SIMC1: variants seen among roughly 807,000 people sequenced by gnomAD.
SIMC1 encodes SUMO-interacting motif-containing protein 1.
SIMC1 carries 55 observed loss-of-function variants against 82.3 expected under a neutral mutation model. The ratio of observed to expected loss-of-function variants is 0.67; its 90% CI spans 0.54 to 0.84. The LOEUF is 0.84. Ranked by LOEUF, SIMC1 falls within the 40% of genes least tolerant of loss-of-function variation. SIMC1 has a pLI of 0.00. For missense variants in SIMC1, 915 were observed against 1,107.2 expected (o/e 0.83, Z 2.46); for synonymous variants, 353 against 426.3 (o/e 0.83, Z 2.12).
At chr5:176,324,003 A>C (rs1455671798) in intron 6 of SIMC1, among the ~76,000 whole-genome samples, 1 of 151,596 alleles carries the variant, frequency 6.6e-6, no homozygotes, top group African/African-American at 2.4e-5. Flanking sequence ...AAAAAAAAAA[A>C]AAAAAAAAAA....
chr5:176,305,580 G>C (rs1764303461), intron 4 of SIMC1, among the ~76,000 whole-genome samples: 1 of 140,944 alleles, frequency 7.1e-6, no homozygotes, highest in Non-Finnish European at 1.6e-5. Context: ...GGAGGGAGGT[G>C]GGGGGGTCAG....
At chr5:176,335,846 C>A (rs943890685) in intron 7 of SIMC1, among the ~76,000 whole-genome samples, 1 of 151,994 alleles carries the variant, frequency 6.6e-6, no homozygotes, top group African/African-American at 2.4e-5. Context: ...AGTTTGAGGC[C>A]AGCCCTGACA....
intron 5 of SIMC1, among the ~76,000 whole-genome samples, chr5:176,319,019 G>C (rs1302419287): frequency 3.3e-5 from 5 of 152,322 alleles, no homozygotes; most frequent in Non-Finnish European, 7.3e-5. Flanking sequence ...TGAGATAGGA[G>C]GATCACTTGA....
At chr5:176,263,120 G>A (rs1762072552) in intron 1 of SIMC1, among the ~76,000 whole-genome samples, 2 of 152,098 alleles carry the variant, frequency 1.3e-5, no homozygotes, top group African/African-American at 4.8e-5. Flanking sequence ...ATAGAAAACT[G>A]TGATGACAGG....
chr5:176,333,770 CTCTTA>C (rs770294700), intron 7 of SIMC1, among the ~76,000 whole-genome samples: 7 of 152,050 alleles, frequency 4.6e-5, no homozygotes, highest in African/African-American at 1.4e-4. Flanking sequence ...GCCCCAACCT[CTCTTA>C]TCTTCTGGGA....
At chr5:176,301,215 G>C (rs1020039510) in intron 4 of SIMC1, among the ~76,000 whole-genome samples, 3 of 152,078 alleles carry the variant, frequency 2.0e-5, no homozygotes, top group Non-Finnish European at 4.4e-5. Flanking sequence ...AATCATTGGG[G>C]CGGGTTTTCC....
In SIMC1 at chr5:176,307,233, A is replaced by C. The variant is rs543768631; in HGVS notation, c.1735-6458A>C. Among the ~76,000 whole-genome samples, 37 of 152,210 alleles carry C rather than the reference A, an allele frequency of 2.4e-4. 1 individual carries two copies. Among genetic ancestry groups the C allele is most frequent in the Non-Finnish European group, 4.4e-4 (30 of 68,036 alleles). On this transcript the variant is annotated intron_variant, in intron 4 of 9. Coordinates refer to ENST00000429602, the MANE Select transcript of SIMC1 (RefSeq NM_001308195.2). Reference sequence around the variant, plus strand: ...TGTAAAGTGGTGCAACTGCTATGGAAAACAGTGAGGGAGTGTGAAATGGGA... The same window carrying C: ...TGTAAAGTGGTGCAACTGCTATGGACAACAGTGAGGGAGTGTGAAATGGGA...
intron 1 of SIMC1, among the ~76,000 whole-genome samples, chr5:176,254,584 C>T (rs2113129762): frequency 6.7e-6 from 1 of 150,240 alleles, no homozygotes; most frequent in South Asian, 2.1e-4. Flanking sequence ...TTCAGTCTAC[C>T]AGTGTATAAC....
At chr5:176,280,192 GTCT>G (rs1313968596) in intron 1 of SIMC1, among the ~76,000 whole-genome samples, 4 of 152,076 alleles carry the variant, frequency 2.6e-5, no homozygotes, top group African/African-American at 9.7e-5. Context: ...GGATAGTTAG[GTCT>G]TCTTGTTGAA....
At chr5:176,302,142 G>C (rs1464372206) in intron 4 of SIMC1, among the ~76,000 whole-genome samples, 2 of 152,190 alleles carry the variant, frequency 1.3e-5, no homozygotes, top group Non-Finnish European at 2.9e-5. Flanking sequence ...ATTCAGTGTA[G>C]ATGTAAATTT....
intron 7 of SIMC1, among the ~76,000 whole-genome samples, chr5:176,333,321 G>T (rs1234386603): frequency 6.6e-6 from 1 of 152,042 alleles, no homozygotes; most frequent in Non-Finnish European, 1.5e-5. Flanking sequence ...AAAAGAAAAA[G>T]AAAATGATAT....
chr5:176,270,993 T>C (rs924945647), intron 1 of SIMC1, among the ~76,000 whole-genome samples: 12 of 152,134 alleles, frequency 7.9e-5, no homozygotes, highest in Admixed American at 3.3e-4. Flanking sequence ...AGACACCAGC[T>C]GGGGCAGCCA....
At chr5:176,310,421 G>GT (rs1311755296) in intron 4 of SIMC1, among the ~76,000 whole-genome samples, 1 of 152,158 alleles carries the variant, frequency 6.6e-6, no homozygotes, top group Non-Finnish European at 1.5e-5. Context: ...CCTACAACAG[G>GT]TACGTGGTTA....
chr5:176,313,564 C>A, intron 4 of SIMC1, 127 bp from the exon 5 acceptor site: 1 of 1,554,328 alleles, frequency 6.4e-7, no homozygotes, highest in South Asian at 1.2e-5. Context: ...AGGAGCCTCT[C>A]TTTTAAGCAC....
chr5:176,328,528 G>T (rs1028036913), intron 7 of SIMC1, among the ~76,000 whole-genome samples: 2 of 151,760 alleles, frequency 1.3e-5, no homozygotes, highest in African/African-American at 4.8e-5. Flanking sequence ...TTATGCCTGG[G>T]GTTCAACATT....
At chr5:176,322,146 G>A (rs1765189370) in intron 5 of SIMC1, 127 bp from the exon 6 acceptor site, 1 of 1,058,082 alleles carries the variant, frequency 9.5e-7, no homozygotes, top group Non-Finnish European at 1.3e-6. Context: ...GGATCTGGGG[G>A]CCCAGGTTAA....
chr5:176,308,498 G>A lies in SIMC1; in HGVS notation c.1735-5193G>A. 10 of 1,607,394 alleles carry A rather than the reference G, an allele frequency of 6.2e-6. No individual in the cohort carries two copies. In the South Asian group the frequency reaches 7.7e-5, roughly 12 times the overall value. On this transcript the variant is annotated intron_variant, in intron 4 of 9. Transcript: ENST00000429602. Reference sequence around the variant, plus strand: ...GCACCCAAGCCATGTACCAGATGATGGATCAAGGCTTTGTAGGACTTATTT... The same window carrying A: ...GCACCCAAGCCATGTACCAGATGATAGATCAAGGCTTTGTAGGACTTATTT...
chr5:176,318,391 G>T lies in SIMC1; in HGVS notation c.1890-3882G>T, dbSNP rs185930545. 3.3e-5 allele frequency among the ~76,000 whole-genome samples: 5 copies of T among 152,210 alleles called. No homozygotes were observed. In the East Asian group the frequency reaches 7.7e-4, roughly 24 times the overall value. On this transcript the variant is annotated intron_variant, in intron 5 of 9. Coordinates refer to ENST00000429602, the MANE Select transcript of SIMC1 (RefSeq NM_001308195.2). ...AGACCCTATTTTCTTGCCTCAGTTG[G>T]TCTCAATATCCCCTCAAGATATTTA...
chr5:176,287,927 G>C (rs1286335348), intron 1 of SIMC1, among the ~76,000 whole-genome samples: 6 of 152,166 alleles, frequency 3.9e-5, no homozygotes, highest in African/African-American at 1.4e-4. Context: ...GTGGAGACAT[G>C]ATAGAGGAAG....
Sources: allele counts gnomAD v4.1 joint callset (sites outside exome capture counted in the v4.1 genomes callset), GRCh38; gene constraint gnomAD v4.1.1; transcripts MANE v1.5; gene names NCBI Gene and HGNC (gene_info 2026-07-23, HGNC 2026-07-21).